The following RANBP2 variants were observed in gnomAD, a reference collection of about 807,000 sequenced individuals.
RANBP2 encodes RAN binding protein 2, also known as E3 SUMO-protein ligase RanBP2.
A neutral mutation model predicts 303.6 loss-of-function variants in RANBP2; 57 were observed. The ratio of observed to expected loss-of-function variants is 0.19; its 90% CI spans 0.15 to 0.23. RANBP2 has a LOEUF of 0.23. Ranked by LOEUF, RANBP2 falls within the 10% of genes least tolerant of loss-of-function variation. The pLI, the probability that RANBP2 is intolerant of heterozygous loss-of-function variation, is 1.00. For synonymous variants in RANBP2, 1,167 were observed against 1,301.5 expected, an observed-to-expected ratio of 0.90 and a Z score of 2.23; for missense variants, 3,138 against 3,780.8, an observed-to-expected ratio of 0.83 and a Z score of 4.46.
the RANBP2 span, among the ~76,000 whole-genome samples, chr2:108,792,072 A>C: frequency 1.3e-5 from 2 of 152,222 alleles, no homozygotes; most frequent in Non-Finnish European, 2.9e-5. Flanking sequence ...GTAGTATTTG[A>C]CTACAATATT....
chr2:109,678,101 A>G, the RANBP2 span, among the ~76,000 whole-genome samples: 15 of 152,220 alleles, frequency 9.9e-5, no homozygotes, highest in Non-Finnish European at 2.1e-4. Context: ...TTGCATAGCA[A>G]CACCTCCCCA....
chr2:109,176,990 C>T, the RANBP2 span, among the ~76,000 whole-genome samples: 1 of 152,160 alleles, frequency 6.6e-6, no homozygotes, highest in East Asian at 1.9e-4. Flanking sequence ...TCAAGAGAGC[C>T]CTGCACTGGG....
the RANBP2 span, chr2:108,894,511 T>A: frequency 1.3e-5 from 2 of 152,184 alleles, no homozygotes; most frequent in East Asian, 3.9e-4. Context: ...ATATAATAAG[T>A]TATATATATA....
At chr2:109,750,616 A>G in the RANBP2 span, among the ~76,000 whole-genome samples, 2 of 60,142 alleles carry the variant, frequency 3.3e-5, no homozygotes, top group Non-Finnish European at 6.6e-5. Flanking sequence ...ACATGAGGCT[A>G]TTGTAAAAAT....
the RANBP2 span, among the ~76,000 whole-genome samples, chr2:109,086,155 G>A: frequency 6.6e-6 from 1 of 152,066 alleles, no homozygotes; most frequent in African/African-American, 2.4e-5. Flanking sequence ...CATGTAGCAC[G>A]TTTTGCTTAT....
chr2:108,923,198 T>TGC, the RANBP2 span, among the ~76,000 whole-genome samples: 3 of 152,134 alleles, frequency 2.0e-5, no homozygotes, highest in Admixed American at 6.5e-5. Context: ...GTGGCAAACA[T>TGC]CCCTCCCTTC....
the RANBP2 span, among the ~76,000 whole-genome samples, chr2:108,851,943 T>C: frequency 6.6e-6 from 1 of 152,298 alleles, no homozygotes; most frequent in East Asian, 1.9e-4. Context: ...GCCAAAACGA[T>C]ACAATCTGCA....
the RANBP2 span, among the ~76,000 whole-genome samples, chr2:109,739,571 C>G: frequency 2.0e-5 from 3 of 152,056 alleles, no homozygotes; most frequent in Admixed American, 1.3e-4. Flanking sequence ...GTTTTTTGAT[C>G]TCATATCCTA....
chr2:109,171,765 C>T, the RANBP2 span, among the ~76,000 whole-genome samples: 1,226 of 152,376 alleles, frequency 8.0e-3, 12 homozygotes, highest in East Asian at 0.04. Context: ...TGGCTGGCTC[C>T]CTGCCGTGCA....
the RANBP2 span, among the ~76,000 whole-genome samples, chr2:109,730,298 T>A: frequency 6.6e-6 from 1 of 152,170 alleles, no homozygotes; most frequent in South Asian, 2.1e-4. Flanking sequence ...CTCTTGCTGA[T>A]CTGCTTGTGC....
the RANBP2 span, among the ~76,000 whole-genome samples, chr2:109,268,264 G>A: frequency 1.3e-5 from 2 of 151,886 alleles, no homozygotes; most frequent in African/African-American, 4.8e-5. Flanking sequence ...CTGCTGAAGT[G>A]AGGTGCGGCC....
At chr2:109,636,660 G>A in the RANBP2 span, among the ~76,000 whole-genome samples, 3 of 152,292 alleles carry the variant, frequency 2.0e-5, no homozygotes, top group African/African-American at 4.8e-5. Flanking sequence ...AGTGTTGGCT[G>A]GGTGCAGTGG....
the RANBP2 span, among the ~76,000 whole-genome samples, chr2:109,360,830 A>G: frequency 6.6e-6 from 1 of 152,238 alleles, no homozygotes; most frequent in East Asian, 1.9e-4. Flanking sequence ...GTCTTATTGT[A>G]TTATCAAATA....
chr2:109,114,184 T>A, the RANBP2 span, among the ~76,000 whole-genome samples: 1 of 152,228 alleles, frequency 6.6e-6, no homozygotes, highest in Non-Finnish European at 1.5e-5. Context: ...CTTTTTCTAT[T>A]GATTGGAATA....
At chr2:109,574,691 G>A in the RANBP2 span, 7 of 1,610,006 alleles carry the variant, frequency 4.3e-6, no homozygotes, top group East Asian at 4.5e-5. Context: ...TAGGTAAAGA[G>A]AGAACGCTTA....
chr2:109,009,507 C>CT, the RANBP2 span, among the ~76,000 whole-genome samples: 9 of 151,810 alleles, frequency 5.9e-5, no homozygotes, highest in African/African-American at 1.9e-4. Context: ...TAACATGCAT[C>CT]TTTTTTTGTT....
At chr2:109,017,441 C>T in the RANBP2 span, among the ~76,000 whole-genome samples, 2 of 152,170 alleles carry the variant, frequency 1.3e-5, no homozygotes, top group African/African-American at 4.8e-5. Flanking sequence ...AACAAGAGAC[C>T]TTGGGAATCA....
chr2:109,582,601 G>GT, the RANBP2 span, among the ~76,000 whole-genome samples: 4 of 152,140 alleles, frequency 2.6e-5, no homozygotes, highest in Admixed American at 1.3e-4. Context: ...GATTACAGGC[G>GT]TAAGGCACCA....
In RANBP2 at chr2:108,771,198, C is replaced by G. The variant is rs1677472569; in HGVS notation, c.7850-503C>G. Among the ~76,000 whole-genome samples, 6 of 150,504 alleles carry G rather than the reference C, an allele frequency of 4.0e-5. No homozygotes were observed. The Admixed American group carries it at 4.0e-4, about 10-fold the overall frequency. ...TGCTTGAACATAGGCAAACTAGATGCAACTCTAGTCACCTTCCATTCTTGG... is the reference window on the plus strand; with the variant it reads ...TGCTTGAACATAGGCAAACTAGATGGAACTCTAGTCACCTTCCATTCTTGG... On this transcript the variant is annotated intron_variant, in intron 20 of 28. Transcript: ENST00000283195.
Sources: gnomAD v4.1 joint callset for allele counts (sites outside exome capture counted in the v4.1 genomes callset) on GRCh38, gnomAD v4.1.1 for gene constraint, MANE v1.5 for transcripts, NCBI Gene and HGNC (gene_info 2026-07-23, HGNC 2026-07-21) for gene names.